The following CYP4F11 variants were observed in gnomAD, a reference collection of about 807,000 sequenced individuals.
CYP4F11 encodes cytochrome P450 4F11.
A neutral mutation model predicts 62.2 loss-of-function variants in CYP4F11; 79 were observed. That is an observed-to-expected ratio of 1.27 (90% CI 1.06 to 1.53). CYP4F11 has a LOEUF of 1.53. Ranked by LOEUF, CYP4F11 falls within the 40% of genes most tolerant of loss-of-function variation. The pLI is 0.00. For synonymous variants in CYP4F11, 290 were observed against 263.7 expected (o/e 1.10, Z -0.97); for missense variants, 777 against 680.5 (o/e 1.14, Z -1.58).
At chr19:15,914,551 C>G (rs553835355) in intron 10 of CYP4F11, 51 bp downstream of exon 10, 6 of 1,608,570 alleles carry the variant, frequency 3.7e-6, no homozygotes, top group Non-Finnish European at 4.3e-6. Context: ...GTCACCTCCT[C>G]TAGGAACCTT....
chr19:15,934,061 T>TGAGTGAGCGGGGAGAGGAATGAGTGAGC, intron 1 of CYP4F11, 150 bp downstream of exon 1: 1 of 180,080 alleles, frequency 5.6e-6, no homozygotes, highest in Non-Finnish European at 1.0e-5. Flanking sequence ...AATGAGTGAG[T>TGAGTGAGCGGGGAGAGGAATGAGTGAGC]GGGCAGAGGA....
Position 15,924,834 on chromosome 19 carries a change from A to T in CYP4F11, c.574T>A (p.Phe192Ile), listed in dbSNP as rs916593961. The change falls in exon 5 of 12, where the codon TTT (phenylalanine) becomes ATT (isoleucine). Residue 192 changes from phenylalanine (F) to isoleucine (I), a missense_variant. Phe to Ile is a conservative substitution (Grantham distance 21). Transcript: ENST00000402119. ...ASEGSARLDM[F>I]EHISLMTLDS... The stretch of plus-strand genomic sequence containing the variant: ...AAGGTCATGAGGCTGATGTGTTCAA[A>T]CATGTCCAGTCTGGCGCTGCCCTCT... 7 of 1,612,832 alleles carry T rather than the reference A, an allele frequency of 4.3e-6. No homozygotes were observed. The highest frequency in any genetic ancestry group is 1.3e-5 in the African/African-American group (1 of 74,864).
intron 4 of CYP4F11, among the ~76,000 whole-genome samples, chr19:15,926,716 C>G (rs1330682715): frequency 1.3e-5 from 2 of 152,144 alleles, no homozygotes; most frequent in Non-Finnish European, 2.9e-5. Context: ...TGAGGCCATC[C>G]CAGGTCAGCC....
chr19:15,924,673 A>C lies in CYP4F11; in HGVS notation c.647+88T>G, dbSNP rs745446487. 32 of 1,525,658 alleles carry C rather than the reference A, an allele frequency of 2.1e-5. 1 individual carries two copies. Among genetic ancestry groups the C allele is most frequent in the Middle Eastern group, 2.2e-4 (1 of 4,456 alleles). 94.5% of individuals were successfully genotyped at this position (1,525,658 alleles called of 1,614,324 possible). On this transcript the variant is annotated intron_variant, in intron 5 of 11. Coordinates refer to ENST00000402119, the MANE Select transcript of CYP4F11 (RefSeq NM_021187.4). ...ACACAGAAAGTGCCTTCAGAAAGGC[A>C]CTTCTGGTTACCCCGGTCAGCCATC...
intron 11 of CYP4F11, among the ~76,000 whole-genome samples, 189 bp downstream of exon 11, chr19:15,914,116 A>G (rs1056068261): frequency 4.6e-5 from 7 of 152,088 alleles, no homozygotes; most frequent in Non-Finnish European, 1.0e-4. Flanking sequence ...TAAACAGATG[A>G]AGGAGGGGAC....
intron 8 of CYP4F11, among the ~76,000 whole-genome samples, chr19:15,919,323 G>T (rs1029941245): frequency 6.7e-6 from 1 of 148,844 alleles, no homozygotes; most frequent in African/African-American, 2.5e-5. Flanking sequence ...TATATATATG[G>T]AAATAGATGA....
At chr19:15,931,580 G>A (rs1328925670) in intron 1 of CYP4F11, among the ~76,000 whole-genome samples, 1 of 123,822 alleles carries the variant, frequency 8.1e-6, no homozygotes, top group African/African-American at 3.1e-5. Context: ...GAATGAGTGA[G>A]CGAGGAGAGG....
At chr19:15,925,898 CT>C (rs1159787801) in intron 4 of CYP4F11, among the ~76,000 whole-genome samples, 1 of 151,764 alleles carries the variant, frequency 6.6e-6, no homozygotes, top group Non-Finnish European at 1.5e-5. Context: ...GGTGCAGTGG[CT>C]CATGCCTGTA....
chr19:15,917,188 A>G (rs565735016), intron 8 of CYP4F11, among the ~76,000 whole-genome samples: 6 of 152,324 alleles, frequency 3.9e-5, no homozygotes, highest in African/African-American at 1.4e-4. Context: ...ACCAAATATC[A>G]TATAGTCTCA....
chr19:15,933,992 A>C lies in CYP4F11; in HGVS notation c.198+219T>G, dbSNP rs201368658. ...GAGGAATGAGTGAGCGGGGAGAGGA[A>C]TGAGTGAGTGGGCAGAGGAATGAGT... On this transcript the variant is annotated intron_variant, in intron 1 of 11. Coordinates refer to ENST00000402119, the MANE Select transcript of CYP4F11 (RefSeq NM_021187.4). Among the ~76,000 whole-genome samples, 7 of 63,220 alleles carry C rather than the reference A, an allele frequency of 1.1e-4. No individual in the cohort carries two copies. The East Asian group carries it at 3.6e-3, about 33-fold the overall frequency. The allele number at this position is 63,220 out of a possible 152,430, so 41.5% of individuals were successfully genotyped here. A position where few individuals can be genotyped will look rare whatever the true frequency, so the allele number is the denominator to read the frequency against.
rs773794832 is a variant in CYP4F11 at position 15,929,592 on chromosome 19, TG to T, written c.207del (p.Thr70ArgfsTer5). ...GTCAATGTCTTCATGCCCTCTTCCG[TG>T]GGAGTGACCTGAAAACAAGGCAGAG... is the stretch of plus-strand genomic sequence containing the variant. ...WFWGHQGLVT[P>X]TEEGMKTLTQ... On this transcript the variant is annotated frameshift_variant, in exon 2 of 12. Coordinates refer to ENST00000402119, the MANE Select transcript of CYP4F11 (RefSeq NM_021187.4). LOFTEE classifies it high-confidence loss of function. 2 of 1,600,344 alleles carry T rather than the reference TG, an allele frequency of 1.2e-6. No individual in the cohort carries two copies. The highest frequency in any genetic ancestry group is 1.3e-5 in the African/African-American group (1 of 74,730).
chr19:15,929,406 A>C (rs767562967), intron 2 of CYP4F11, 51 bp downstream of exon 2: 3 of 1,612,074 alleles, frequency 1.9e-6, no homozygotes, highest in Middle Eastern at 1.9e-4. Context: ...GAGAGGCTAG[A>C]AGGCCTTTGA....
chr19:15,914,180 G>C, intron 11 of CYP4F11, 125 bp downstream of exon 11: 1 of 1,267,460 alleles, frequency 7.9e-7, no homozygotes, highest in South Asian at 1.4e-5. Context: ...TCTGTGAACA[G>C]TTGCCCATGA....
At chr19:15,932,563 A>G (rs1219564702) in intron 1 of CYP4F11, among the ~76,000 whole-genome samples, 1 of 258 alleles carries the variant, frequency 3.9e-3, no homozygotes, top group Non-Finnish European at 6.2e-3. Context: ...TGAGTGAGTG[A>G]GGAGAGGAAT....
At chr19:15,934,023 G>A (rs1322834689) in intron 1 of CYP4F11, among the ~76,000 whole-genome samples, 188 bp downstream of exon 1, 16 of 107,100 alleles carry the variant, frequency 1.5e-4, no homozygotes, top group East Asian at 5.0e-4. Flanking sequence ...TGAGTGAGTG[G>A]GCAGAGGAAT....
At chr19:15,919,199 C>A (rs2145041021) in intron 8 of CYP4F11, among the ~76,000 whole-genome samples, 1 of 146,938 alleles carries the variant, frequency 6.8e-6, no homozygotes, top group South Asian at 2.1e-4. Context: ...ATATACATTT[C>A]ATTGACTCCT....
intron 7 of CYP4F11, 25 bp downstream of exon 7, chr19:15,922,339 C>T (rs71334792): frequency 1.9e-5 from 31 of 1,613,748 alleles, no homozygotes; most frequent in Admixed American, 3.3e-5. Flanking sequence ...CTGTCCCCAC[C>T]GTAGTCCCAC....
rs142513893 is a variant in CYP4F11, at chr19:15,922,059, G to A, written c.1093C>T (p.Arg365Cys). 68 of 1,612,240 alleles carry A rather than the reference G, an allele frequency of 4.2e-5. No individual in the cohort carries two copies. Among genetic ancestry groups the A allele is most frequent in the African/African-American group, 8.0e-5 (6 of 74,858 alleles). Residue 365 changes from arginine to cysteine, a missense_variant, in exon 8 of 12, where the codon CGT (arginine) becomes TGT (cysteine). Arg to Cys is a radical substitution (Grantham distance 180). Transcript: ENST00000402119. The stretch of plus-strand genomic sequence containing the variant: ...CACCATTCAATCTCTATAGGTTCAC[G>A]GTCCTTCAGAAGCTCTTGCACTTCT... ...RQEVQELLKDREPIEIEWDDL... is the reference protein window; with the variant it reads ...RQEVQELLKDCEPIEIEWDDL...
At chr19:15,921,138 C>A (rs74957415) in intron 8 of CYP4F11, among the ~76,000 whole-genome samples, 7,407 of 150,004 alleles carry the variant, frequency 0.049, 254 homozygotes, top group Non-Finnish European at 0.069. Flanking sequence ...CCTCCCTCGA[C>A]CTTTGCCTAG....
Sources: gnomAD v4.1 joint callset for allele counts (sites outside exome capture counted in the v4.1 genomes callset) on GRCh38, gnomAD v4.1.1 for gene constraint, MANE v1.5 for transcripts, NCBI Gene and HGNC (gene_info 2026-07-23, HGNC 2026-07-21) for gene names.